The following DGKH variants were observed in gnomAD, a reference collection of about 807,000 sequenced individuals.
DGKH encodes diacylglycerol kinase eta.
DGKH carries 90 observed loss-of-function variants against 159.3 expected under a neutral mutation model. That is an observed-to-expected ratio of 0.57 (90% CI 0.48 to 0.67). The LOEUF (loss-of-function observed/expected upper bound fraction) is 0.67, where lower values mean the gene tolerates loss of function less well. Among genes scored for constraint, DGKH ranks in the 30% least tolerant of loss-of-function variants. The pLI is 0.00. For missense variants in DGKH, 1,181 were observed against 1,506.1 expected (o/e 0.78, Z 3.57); for synonymous variants, 536 against 553.8 (o/e 0.97, Z 0.45).
downstream of DGKH, among the ~76,000 whole-genome samples, chr13:42,247,782 G>C (rs1253977101): frequency 7.2e-5 from 11 of 151,994 alleles, no homozygotes; most frequent in African/African-American, 2.7e-4. Context: ...TTTTAAAAAA[G>C]TTTAAAAAGT....
intron 1 of DGKH, among the ~76,000 whole-genome samples, chr13:42,122,486 T>G (rs1955094412): frequency 6.6e-6 from 1 of 152,134 alleles, no homozygotes; most frequent in Non-Finnish European, 1.5e-5. Flanking sequence ...TTCTTTCTTC[T>G]CTTGTAAAGC....
Position 42,166,513 on chromosome 13 carries a change from A to T in DGKH, c.959-2A>T, listed in dbSNP as rs1344523645. On this transcript the variant is annotated splice_acceptor_variant, in intron 8 of 29. Coordinates refer to ENST00000337343, the MANE Select transcript of DGKH (RefSeq NM_178009.5). LOFTEE classifies it high-confidence loss of function. ...TGATCTTGTGTTGTGTTTTTTTCACAGGTTTCTGTAGAGCAACATTTTCGT... is the reference window on the plus strand; with the variant it reads ...TGATCTTGTGTTGTGTTTTTTTCACTGGTTTCTGTAGAGCAACATTTTCGT... The T allele has an allele frequency of 6.7e-7, 1 of 1,500,666 alleles. No homozygotes were observed. The highest frequency in any genetic ancestry group is 8.9e-7 in the Non-Finnish European group (1 of 1,121,946). 93.0% of individuals were successfully genotyped at this position (1,500,666 alleles called of 1,614,324 possible). A position where few individuals can be genotyped will look rare whatever the true frequency, so the allele number is the denominator to read the frequency against.
intron 14 of DGKH, among the ~76,000 whole-genome samples, chr13:42,187,439 C>G (rs1365473162): frequency 6.6e-6 from 1 of 152,030 alleles, no homozygotes; most frequent in Non-Finnish European, 1.5e-5. Context: ...TGCAGTGATG[C>G]TCTCTCTACT....
At chr13:42,067,984 T>A (rs2324894) in intron 1 of DGKH, among the ~76,000 whole-genome samples, 37,337 of 151,824 alleles carry the variant, frequency 0.25, 5,232 homozygotes, top group East Asian at 0.45. Flanking sequence ...TTCATTTTTT[T>A]AAAAAAATAA....
chr13:42,187,617 C>T (rs772131797), intron 14 of DGKH, among the ~76,000 whole-genome samples: 4 of 152,162 alleles, frequency 2.6e-5, no homozygotes, highest in Non-Finnish European at 4.4e-5. Flanking sequence ...CTCAGGTGAT[C>T]CGTCCACCTC....
At chr13:42,071,221 G>C in intron 1 of DGKH, 1 of 420,942 alleles carries the variant, frequency 2.4e-6, no homozygotes, top group South Asian at 3.2e-5. Context: ...TCCACAGCAA[G>C]ATGGTTTCTT....
chr13:42,179,361 A>T (rs780009994), intron 13 of DGKH, among the ~76,000 whole-genome samples: 12 of 152,282 alleles, frequency 7.9e-5, no homozygotes, highest in Admixed American at 1.3e-4. Flanking sequence ...GAAGACTGTA[A>T]CTGTCATCTG....
chr13:42,199,378 T>C (rs945075271), intron 18 of DGKH, among the ~76,000 whole-genome samples, 188 bp from the exon 19 acceptor site: 18 of 152,238 alleles, frequency 1.2e-4, no homozygotes, highest in Admixed American at 1.3e-4. Context: ...ATGTCACATG[T>C]ACCAGAAATT....
At chr13:42,110,998 G>A (rs1194905900) in intron 1 of DGKH, among the ~76,000 whole-genome samples, 2 of 152,002 alleles carry the variant, frequency 1.3e-5, no homozygotes, top group Non-Finnish European at 2.9e-5. Flanking sequence ...AACCACTATG[G>A]CACATGTTTA....
chr13:42,096,692 C>A (rs1422387306), intron 1 of DGKH, among the ~76,000 whole-genome samples: 2 of 152,146 alleles, frequency 1.3e-5, no homozygotes, highest in African/African-American at 4.8e-5. Flanking sequence ...GTGGAATTGG[C>A]AAAGATGAAT....
At chr13:42,139,488 C>G (rs1020294300) in intron 3 of DGKH, among the ~76,000 whole-genome samples, 20 of 152,182 alleles carry the variant, frequency 1.3e-4, no homozygotes, top group Non-Finnish European at 2.1e-4. Context: ...GTCAGGGTGT[C>G]ATGATCATTT....
intron 12 of DGKH, among the ~76,000 whole-genome samples, chr13:42,174,363 G>A (rs58463412): frequency 1.3e-5 from 2 of 152,114 alleles, no homozygotes; most frequent in Middle Eastern, 3.4e-3. Context: ...CACCCACACC[G>A]GGAGTGCCCA....
At chr13:42,195,876 A>G (rs972115231) in intron 17 of DGKH, 2 of 152,258 alleles carry the variant, frequency 1.3e-5, no homozygotes, top group African/African-American at 4.8e-5. Context: ...TGAAATGACA[A>G]TTTAAGAATT....
At chr13:42,154,825 G>T (rs1293417371) in intron 3 of DGKH, among the ~76,000 whole-genome samples, 1 of 151,686 alleles carries the variant, frequency 6.6e-6, no homozygotes, top group East Asian at 1.9e-4. Flanking sequence ...CGGATCACGA[G>T]GTCAAGAGAT....
At chr13:42,122,656 C>G (rs911443043) in intron 1 of DGKH, among the ~76,000 whole-genome samples, 2 of 152,170 alleles carry the variant, frequency 1.3e-5, no homozygotes, top group Admixed American at 6.5e-5. Context: ...TCATAAGTTT[C>G]AGAGGGGACA....
At chr13:42,111,816 G>T (rs767647964) in intron 1 of DGKH, among the ~76,000 whole-genome samples, 1 of 152,182 alleles carries the variant, frequency 6.6e-6, no homozygotes, top group South Asian at 2.1e-4. Context: ...CACTTCTCAG[G>T]TTTGCACAGG....
At chr13:42,069,778 T>C in intron 1 of DGKH, 1 of 1,093,388 alleles carries the variant, frequency 9.1e-7, no homozygotes, top group Non-Finnish European at 1.3e-6. Flanking sequence ...ATGGCTACAC[T>C]CCAGATCACA....
At chr13:42,079,405 A>G (rs1438355950) in intron 1 of DGKH, among the ~76,000 whole-genome samples, 1 of 152,182 alleles carries the variant, frequency 6.6e-6, no homozygotes, top group Non-Finnish European at 1.5e-5. Flanking sequence ...TACATCACCC[A>G]GATAATATAC....
chr13:42,099,256 T>C (rs1216727712), intron 1 of DGKH, among the ~76,000 whole-genome samples: 1 of 152,192 alleles, frequency 6.6e-6, no homozygotes, highest in African/African-American at 2.4e-5. Context: ...TGATTCTTCC[T>C]TTGTAACAGG....
Sources: allele counts gnomAD v4.1 joint callset (sites outside exome capture counted in the v4.1 genomes callset), GRCh38; gene constraint gnomAD v4.1.1; transcripts MANE v1.5; gene names NCBI Gene and HGNC (gene_info 2026-07-23, HGNC 2026-07-21).